ADAM23: variants seen among roughly 807,000 people sequenced by gnomAD.
The protein encoded by ADAM23 is ADAM metallopeptidase domain 23.
A neutral mutation model predicts 120.1 loss-of-function variants in ADAM23; 33 were observed. The observed-to-expected ratio is 0.27, with a 90% CI of 0.21 to 0.37. ADAM23 has a LOEUF of 0.37. Among genes scored for constraint, ADAM23 ranks in the 10% least tolerant of loss-of-function variants. The pLI is 1.00. For missense variants in ADAM23, 862 were observed against 1,058.2 expected, an observed-to-expected ratio of 0.81 and a Z score of 2.57; for synonymous variants, 367 against 375.2, an observed-to-expected ratio of 0.98 and a Z score of 0.25.
intron 3 of ADAM23, among the ~76,000 whole-genome samples, chr2:206,521,989 T>A (rs1470415761): frequency 6.6e-6 from 1 of 152,194 alleles, no homozygotes; most frequent in Non-Finnish European, 1.5e-5. Context: ...TTATTGCTAG[T>A]GCAGCTGTAG....
chr2:206,606,559 C>T (rs1041114145), intron 24 of ADAM23: 3 of 152,114 alleles, frequency 2.0e-5, no homozygotes, highest in Admixed American at 6.5e-5. Flanking sequence ...TGCAAATCAC[C>T]TGGTGGGTTC....
At position 206,467,674 on chromosome 2, in the gene ADAM23, C is replaced by A. The variant is rs192574637; in HGVS notation, c.433-13558C>A. ...CATTTTGAGGTCTTCAGGATGGTGA[C>A]CCCTTCTCACAGCTCAACTAGGCAG... On this transcript the variant is annotated intron_variant, in intron 2 of 25. Transcript: ENST00000264377. Among the ~76,000 whole-genome samples, 228 of 152,256 alleles carry A rather than the reference C, an allele frequency of 1.5e-3. 2 individuals are homozygous for A. The highest frequency in any genetic ancestry group is 5.1e-3 in the African/African-American group (211 of 41,564).
chr2:206,461,362 G>A (rs1466166552), intron 2 of ADAM23, among the ~76,000 whole-genome samples: 1 of 152,102 alleles, frequency 6.6e-6, no homozygotes, highest in South Asian at 2.1e-4. Flanking sequence ...CGTCTGGCTT[G>A]AAGTAGTTTC....
At chr2:206,559,089 C>T (rs555034627) in intron 10 of ADAM23, among the ~76,000 whole-genome samples, 5 of 152,230 alleles carry the variant, frequency 3.3e-5, no homozygotes, top group South Asian at 2.1e-4. Flanking sequence ...GGACTACAGG[C>T]GCCCACCATC....
At chr2:206,490,654 T>C (rs1371263515) in intron 3 of ADAM23, among the ~76,000 whole-genome samples, 1 of 152,196 alleles carries the variant, frequency 6.6e-6, no homozygotes, top group Non-Finnish European at 1.5e-5. Context: ...GGCCTGATAG[T>C]ATTCTAAGCT....
intron 18 of ADAM23, among the ~76,000 whole-genome samples, chr2:206,582,499 T>G (rs1359222365): frequency 6.6e-6 from 1 of 151,268 alleles, no homozygotes; most frequent in African/African-American, 2.5e-5. Flanking sequence ...TCTGTGCTTC[T>G]GTATCTTTTA....
chr2:206,557,598 C>A, intron 10 of ADAM23, 100 bp downstream of exon 10: 1 of 1,131,100 alleles, frequency 8.8e-7, no homozygotes, highest in Non-Finnish European at 1.3e-6. Context: ...AATTTAAAAA[C>A]ACAATCCTGA....
At chr2:206,540,822 G>A (rs551107510) in intron 4 of ADAM23, among the ~76,000 whole-genome samples, 4 of 151,908 alleles carry the variant, frequency 2.6e-5, no homozygotes, top group Non-Finnish European at 4.4e-5. Flanking sequence ...AAGCAGATAG[G>A]AAGTCGGGGA....
In ADAM23 at chr2:206,605,648, G is replaced by A; in HGVS notation, c.2360-4262G>A. The A allele has an allele frequency of 4.7e-6, 3 of 637,020 alleles. No homozygotes were observed. The South Asian group carries it at 5.6e-5, about 12-fold the overall frequency. 39.5% of individuals were successfully genotyped at this position (637,020 alleles called of 1,614,324 possible). On this transcript the variant is annotated intron_variant, in intron 24 of 25. Transcript: ENST00000264377. The stretch of plus-strand genomic sequence containing the variant: ...CTCAAATATCTTCAATGTGTATGTA[G>A]ATCTTAATTTCAAATCTTATAGCAA...
intron 3 of ADAM23, among the ~76,000 whole-genome samples, chr2:206,493,370 TTTTA>T (rs1187206603): frequency 6.6e-6 from 1 of 152,090 alleles, no homozygotes; most frequent in African/African-American, 2.4e-5. Context: ...TATACTGGCT[TTTTA>T]TTTATTTATT....
At chr2:206,608,800 C>T (rs1464426421) in intron 24 of ADAM23, among the ~76,000 whole-genome samples, 1 of 152,124 alleles carries the variant, frequency 6.6e-6, no homozygotes, top group African/African-American at 2.4e-5. Flanking sequence ...TTTATGTACA[C>T]AGTTGAGGGC....
chr2:206,478,258 A>G lies in ADAM23; in HGVS notation c.433-2974A>G, dbSNP rs148599173. Among the ~76,000 whole-genome samples the G allele has an allele frequency of 7.1e-3, 1,081 of 152,318 alleles. 16 individuals carry two copies. The highest frequency in any genetic ancestry group is 0.025 in the African/African-American group (1,021 of 41,574). On this transcript the variant is annotated intron_variant, in intron 2 of 25. Transcript: ENST00000264377. ...TATATTTAAATGACTTAAAATGGAT[A>G]TAAATGTATTAGATGAAACTAATTC...
chr2:206,537,054 T>C (rs1314439397), intron 4 of ADAM23, among the ~76,000 whole-genome samples: 1 of 152,142 alleles, frequency 6.6e-6, no homozygotes, highest in Admixed American at 6.5e-5. Flanking sequence ...AATATTGATT[T>C]ACCTTGTACT....
chr2:206,464,226 C>T (rs1271675439), intron 2 of ADAM23, among the ~76,000 whole-genome samples: 1 of 152,120 alleles, frequency 6.6e-6, no homozygotes, highest in Non-Finnish European at 1.5e-5. Context: ...TCAGTTACTT[C>T]TTGCTGTTTT....
intron 25 of ADAM23, among the ~76,000 whole-genome samples, chr2:206,617,326 TAAAC>T (rs1381367076): frequency 6.6e-6 from 1 of 152,218 alleles, no homozygotes; most frequent in Non-Finnish European, 1.5e-5. Flanking sequence ...TGATTTAAAA[TAAAC>T]AACCCAAAGT....
chr2:206,468,863 C>G lies in ADAM23; in HGVS notation c.433-12369C>G, dbSNP rs115501768. 5.7e-3 allele frequency among the ~76,000 whole-genome samples: 861 copies of G among 152,302 alleles called. 9 individuals carry two copies. The highest frequency in any genetic ancestry group is 0.02 in the African/African-American group (824 of 41,564). ...ACAGGAACCATGACAGCATCTGCTT[C>G]TGGGGAAGCCTCAGGGAGCTTTTAC... On this transcript the variant is annotated intron_variant, in intron 2 of 25. Coordinates refer to ENST00000264377, the MANE Select transcript of ADAM23 (RefSeq NM_003812.4).
chr2:206,594,957 C>T (rs1294864735), intron 23 of ADAM23, 52 bp downstream of exon 23: 3 of 1,593,586 alleles, frequency 1.9e-6, no homozygotes, highest in East Asian at 4.5e-5. Context: ...GGCATGGTCA[C>T]AGTGACTGGA....
At chr2:206,446,371 A>G (rs1020919431) in intron 2 of ADAM23, among the ~76,000 whole-genome samples, 9 of 152,240 alleles carry the variant, frequency 5.9e-5, no homozygotes, top group Non-Finnish European at 1.0e-4. Flanking sequence ...TCGGGAGCAG[A>G]AAATAGAGTC....
At chr2:206,607,849 A>G (rs1991537) in intron 24 of ADAM23, 137,424 of 325,096 alleles carry the variant, frequency 0.42, 30,427 homozygotes, top group Non-Finnish European at 0.47. Flanking sequence ...TGATAGAGTA[A>G]TGTTCATTCA....
Sources: gnomAD v4.1 joint callset for allele counts (sites outside exome capture counted in the v4.1 genomes callset) on GRCh38, gnomAD v4.1.1 for gene constraint, MANE v1.5 for transcripts, NCBI Gene and HGNC (gene_info 2026-07-23, HGNC 2026-07-21) for gene names.